The following XKR6 variants were observed in gnomAD, a reference collection of about 807,000 sequenced individuals.
XKR6 encodes the protein XK related 6.
In XKR6, 22 loss-of-function variants were observed where a neutral mutation model predicts 56.7. The observed-to-expected ratio is 0.39, with a 90% CI of 0.28 to 0.55. The LOEUF is 0.55. XKR6 is among the 20% of genes least tolerant of loss of function. The pLI, the probability that XKR6 is intolerant of heterozygous loss-of-function variation, is 0.66. For missense variants in XKR6, 852 were observed against 889.0 expected (o/e 0.96, Z 0.53); for synonymous variants, 524 against 387.8 (o/e 1.35, Z -4.13).
intron 1 of XKR6, among the ~76,000 whole-genome samples, chr8:11,128,518 T>C (rs1167349872): frequency 6.6e-6 from 1 of 152,212 alleles, no homozygotes; most frequent in Non-Finnish European, 1.5e-5. Flanking sequence ...CCAGTTCTAG[T>C]AGTACATCTC....
intron 1 of XKR6, among the ~76,000 whole-genome samples, chr8:10,960,162 A>G (rs572113061): frequency 8.5e-5 from 13 of 152,370 alleles, no homozygotes; most frequent in African/African-American, 2.9e-4. Flanking sequence ...TAGTTCAGAC[A>G]CAGCAGGTGA....
intron 1 of XKR6, chr8:11,123,711 G>C (rs1799595479): frequency 1.1e-5 from 4 of 372,504 alleles, no homozygotes; most frequent in African/African-American, 6.4e-5. Flanking sequence ...TCAAGAGGCT[G>C]AATCTCCTGA....
intron 1 of XKR6, among the ~76,000 whole-genome samples, chr8:11,058,089 C>T (rs750831389): frequency 2.6e-5 from 4 of 152,204 alleles, no homozygotes; most frequent in African/African-American, 7.2e-5. Flanking sequence ...GACTAAATAT[C>T]GGACTGGGTC....
At chr8:11,023,952 T>G (rs1210463955) in intron 1 of XKR6, among the ~76,000 whole-genome samples, 1 of 151,992 alleles carries the variant, frequency 6.6e-6, no homozygotes, top group Non-Finnish European at 1.5e-5. Flanking sequence ...AAGAATAGGG[T>G]GGGGGAATTG....
intron 1 of XKR6, among the ~76,000 whole-genome samples, chr8:11,056,052 C>A (rs28368616): frequency 6.6e-6 from 1 of 152,110 alleles, no homozygotes; most frequent in African/African-American, 2.4e-5. Flanking sequence ...CACTTCTCAC[C>A]GGCGCCCCCT....
chr8:11,164,910 T>C (rs543639776), intron 1 of XKR6, among the ~76,000 whole-genome samples: 5 of 152,126 alleles, frequency 3.3e-5, no homozygotes, highest in African/African-American at 9.6e-5. Flanking sequence ...GAAACAAAGG[T>C]CATCCCACCT....
At chr8:11,030,861 T>A (rs1427587565) in intron 1 of XKR6, among the ~76,000 whole-genome samples, 1 of 152,238 alleles carries the variant, frequency 6.6e-6, no homozygotes, top group Non-Finnish European at 1.5e-5. Flanking sequence ...CTCAGGCTCC[T>A]CATTGACCAC....
chr8:11,179,128 A>G (rs1268168087), intron 1 of XKR6, among the ~76,000 whole-genome samples: 2 of 146,550 alleles, frequency 1.4e-5, no homozygotes, highest in African/African-American at 5.1e-5. Flanking sequence ...AAGTGCTGGT[A>G]TTACAAGCAT....
intron 1 of XKR6, among the ~76,000 whole-genome samples, chr8:11,074,318 C>T (rs888435338): frequency 4.6e-5 from 7 of 152,126 alleles, no homozygotes; most frequent in South Asian, 2.1e-4. Context: ...GGAGCCCCCA[C>T]ATGGCCCCAT....
At chr8:10,972,244 T>A (rs1196855837) in intron 1 of XKR6, among the ~76,000 whole-genome samples, 2 of 152,184 alleles carry the variant, frequency 1.3e-5, no homozygotes, top group Admixed American at 1.3e-4. Flanking sequence ...CAGAGCTCTC[T>A]AGGAAAAAAA....
chr8:11,112,558 T>C (rs1798954812), intron 1 of XKR6, among the ~76,000 whole-genome samples: 1 of 152,236 alleles, frequency 6.6e-6, no homozygotes. Flanking sequence ...ACCATGCTAC[T>C]TAGACCAGCT....
intron 1 of XKR6, among the ~76,000 whole-genome samples, chr8:11,073,882 G>T (rs1442855303): frequency 6.6e-6 from 1 of 152,166 alleles, no homozygotes; most frequent in Non-Finnish European, 1.5e-5. Flanking sequence ...GTGACCCAGG[G>T]CTTCCCTACC....
At chr8:11,095,490 G>T (rs894136198) in intron 1 of XKR6, among the ~76,000 whole-genome samples, 2 of 152,162 alleles carry the variant, frequency 1.3e-5, no homozygotes, top group African/African-American at 4.8e-5. Flanking sequence ...GTGCTTTTAG[G>T]CACCAGTGCA....
At chr8:11,008,840 A>G (rs1377076253) in intron 1 of XKR6, among the ~76,000 whole-genome samples, 1 of 151,988 alleles carries the variant, frequency 6.6e-6, no homozygotes, top group Non-Finnish European at 1.5e-5. Context: ...CCCCCCGCCC[A>G]AGGAGCATGA....
At chr8:10,928,746 A>C (rs1800972227) in intron 1 of XKR6, among the ~76,000 whole-genome samples, 1 of 151,950 alleles carries the variant, frequency 6.6e-6, no homozygotes, top group African/African-American at 2.4e-5. Flanking sequence ...AAGGCAGGAG[A>C]CTCAGGATTG....
chr8:11,034,650 A>G (rs556442701), intron 1 of XKR6, among the ~76,000 whole-genome samples: 1 of 152,306 alleles, frequency 6.6e-6, no homozygotes, highest in South Asian at 2.1e-4. Flanking sequence ...TTTGTCCCTA[A>G]GCTCAGTCCC....
At chr8:11,149,403 C>T (rs1463238762) in intron 1 of XKR6, among the ~76,000 whole-genome samples, 1 of 152,070 alleles carries the variant, frequency 6.6e-6, no homozygotes, top group Admixed American at 6.5e-5. Context: ...ATGCAACCAC[C>T]GTCGTATATG....
At chr8:10,968,094 C>T (rs1214635540) in intron 1 of XKR6, among the ~76,000 whole-genome samples, 1 of 152,212 alleles carries the variant, frequency 6.6e-6, no homozygotes, top group Non-Finnish European at 1.5e-5. Flanking sequence ...GCTGCTCCCC[C>T]TGGTACCCAG....
chr8:10,945,212 G>C (rs565295095), intron 1 of XKR6, among the ~76,000 whole-genome samples: 1 of 152,290 alleles, frequency 6.6e-6, no homozygotes, highest in Middle Eastern at 3.4e-3. Context: ...TGTTGCGCAC[G>C]GTGGCTCATA....
Sources: allele counts gnomAD v4.1 joint callset (sites outside exome capture counted in the v4.1 genomes callset), GRCh38; gene constraint gnomAD v4.1.1; transcripts MANE v1.5; gene names NCBI Gene and HGNC (gene_info 2026-07-23, HGNC 2026-07-21).